The following CLSTN2 variants were observed in gnomAD, a reference collection of about 807,000 sequenced individuals.
CLSTN2 encodes the protein calsyntenin-2.
Under a neutral mutation model 101.2 loss-of-function variants are expected in CLSTN2, and 48 were observed. The ratio of observed to expected loss-of-function variants is 0.47; its 90% CI spans 0.38 to 0.60. The LOEUF (loss-of-function observed/expected upper bound fraction) is 0.60. Ranked by LOEUF, CLSTN2 falls within the 20% of genes least tolerant of loss-of-function variation. CLSTN2 has a pLI of 0.00. For missense variants in CLSTN2, 1,160 were observed against 1,238.2 expected (o/e 0.94, Z 0.95); for synonymous variants, 481 against 463.6 (o/e 1.04, Z -0.48).
In CLSTN2 at chr3:140,566,072, A is replaced by C; in HGVS notation, c.2687A>C (p.His896Pro). Reference protein sequence around the residue: ...NPMEKHEGPGHGEDETEGEEE... With the variant: ...NPMEKHEGPGPGEDETEGEEE... The stretch of plus-strand genomic sequence containing the variant: ...ATCCAGAAACATGAAGGACCAGGGC[A>C]TGGGGAAGATGAGACTGAGGGAGAA... Residue 896 changes from histidine to proline, a missense_variant, in exon 17 of 17, where the codon CAT (histidine) becomes CCT (proline). Coordinates refer to ENST00000458420, the MANE Select transcript of CLSTN2 (RefSeq NM_022131.3). 1 of 1,613,912 alleles carries C rather than the reference A, an allele frequency of 6.2e-7. No individual in the cohort carries two copies. Among genetic ancestry groups the C allele is most frequent in the Non-Finnish European group, 8.5e-7 (1 of 1,179,816 alleles).
chr3:140,397,795 A>C (rs2088199535), intron 2 of CLSTN2, among the ~76,000 whole-genome samples: 2 of 152,234 alleles, frequency 1.3e-5, no homozygotes, highest in Non-Finnish European at 2.9e-5. Flanking sequence ...TGTTACATTA[A>C]AATCCATAAA....
intron 2 of CLSTN2, among the ~76,000 whole-genome samples, chr3:140,259,316 A>C (rs1396944642): frequency 2.0e-5 from 3 of 152,044 alleles, no homozygotes; most frequent in African/African-American, 7.2e-5. Flanking sequence ...TCTACTAAAA[A>C]TACAAAAATT....
At chr3:139,970,119 A>G (rs1935669493) in intron 1 of CLSTN2, among the ~76,000 whole-genome samples, 1 of 152,112 alleles carries the variant, frequency 6.6e-6, no homozygotes, top group African/African-American at 2.4e-5. Flanking sequence ...CCACTCCAAG[A>G]GATTTGGATG....
intron 2 of CLSTN2, among the ~76,000 whole-genome samples, chr3:140,188,871 A>G (rs1479992119): frequency 3.9e-5 from 6 of 152,312 alleles, no homozygotes; most frequent in African/African-American, 1.4e-4. Flanking sequence ...CAGACAAGAT[A>G]CAGAGCATTT....
At chr3:140,435,380 G>A (rs868610765) in intron 5 of CLSTN2, among the ~76,000 whole-genome samples, 17 of 152,282 alleles carry the variant, frequency 1.1e-4, no homozygotes, top group South Asian at 2.1e-4. Flanking sequence ...CATCCATGCT[G>A]TTGCAAATAA....
At chr3:140,225,010 G>A (rs1376170802) in intron 2 of CLSTN2, among the ~76,000 whole-genome samples, 1 of 152,236 alleles carries the variant, frequency 6.6e-6, no homozygotes, top group Non-Finnish European at 1.5e-5. Flanking sequence ...GCGCCAGCCA[G>A]CCCTCCAACA....
At chr3:140,497,142 T>C (rs1400438876) in intron 8 of CLSTN2, among the ~76,000 whole-genome samples, 1 of 148,806 alleles carries the variant, frequency 6.7e-6, no homozygotes, top group African/African-American at 2.5e-5. Context: ...TGCTTTTTGG[T>C]AGAGCAGGTG....
intron 2 of CLSTN2, among the ~76,000 whole-genome samples, chr3:140,271,069 G>T (rs766226809): frequency 6.6e-6 from 1 of 152,024 alleles, no homozygotes; most frequent in Non-Finnish European, 1.5e-5. Context: ...TTTCCTTCCC[G>T]GGGAGCCACA....
chr3:140,152,324 G>A (rs895224050), intron 1 of CLSTN2, among the ~76,000 whole-genome samples: 1 of 151,434 alleles, frequency 6.6e-6, no homozygotes, highest in African/African-American at 2.4e-5. Context: ...CGTTTCCCAT[G>A]CTGTTCTCTC....
rs549472869 is a variant in CLSTN2 at position 140,574,376 on chromosome 3, C to G, written c.*8123C>G. The G allele has an allele frequency of 5.3e-5, 8 of 152,330 alleles. No individual in the cohort carries two copies. The highest frequency in any genetic ancestry group is 3.4e-3 in the Middle Eastern group (1 of 294). The allele number at this position is 152,330 out of a possible 1,614,324, so 9.4% of individuals were successfully genotyped here. A position where few individuals can be genotyped will look rare whatever the true frequency, so the allele number is the denominator to read the frequency against. On this transcript the variant is annotated 3_prime_UTR_variant, in exon 17 of 17. Transcript: ENST00000458420. ...GTAAATGGAGCCCCTAAGCAAGGAG[C>G]AGGGGTAGATGTGCCTGGGTGAGGC... is the stretch of plus-strand genomic sequence containing the variant.
At chr3:140,551,361 A>G (rs1307999562) in intron 10 of CLSTN2, among the ~76,000 whole-genome samples, 3 of 152,074 alleles carry the variant, frequency 2.0e-5, no homozygotes, top group Non-Finnish European at 4.4e-5. Context: ...CATATTTATG[A>G]ATATTTCTCC....
At chr3:140,222,287 A>G (rs1425456883) in intron 2 of CLSTN2, among the ~76,000 whole-genome samples, 1 of 152,130 alleles carries the variant, frequency 6.6e-6, no homozygotes, top group Non-Finnish European at 1.5e-5. Flanking sequence ...ATGGACATAG[A>G]GAGTAGAAGA....
intron 1 of CLSTN2, among the ~76,000 whole-genome samples, chr3:139,939,634 G>A (rs926076915): frequency 1.3e-4 from 20 of 152,194 alleles, no homozygotes; most frequent in African/African-American, 2.4e-5. Flanking sequence ...CAATGTTCTC[G>A]CTTAGAGCAG....
intron 2 of CLSTN2, among the ~76,000 whole-genome samples, chr3:140,401,269 A>T (rs1332560464): frequency 6.6e-6 from 1 of 152,258 alleles, no homozygotes; most frequent in African/African-American, 2.4e-5. Flanking sequence ...ATGAAAACAA[A>T]GTGGGTCTTG....
chr3:140,455,520 C>T (rs1189331752), intron 6 of CLSTN2, among the ~76,000 whole-genome samples: 1 of 152,180 alleles, frequency 6.6e-6, no homozygotes, highest in Non-Finnish European at 1.5e-5. Flanking sequence ...CCCCACCCTG[C>T]TAGGGCCCAG....
chr3:140,269,288 C>T (rs1310081785), intron 2 of CLSTN2, among the ~76,000 whole-genome samples: 2 of 152,198 alleles, frequency 1.3e-5, no homozygotes, highest in Non-Finnish European at 2.9e-5. Context: ...AAGTGTTTGT[C>T]CCCAATAGCT....
intron 2 of CLSTN2, among the ~76,000 whole-genome samples, chr3:140,218,186 C>A (rs2010942873): frequency 2.6e-5 from 4 of 152,134 alleles, no homozygotes; most frequent in Admixed American, 2.6e-4. Flanking sequence ...TTTCCCAATT[C>A]TTGTAAGAAA....
chr3:140,020,127 C>T (rs1470434676), intron 1 of CLSTN2, among the ~76,000 whole-genome samples: 5 of 152,130 alleles, frequency 3.3e-5, no homozygotes, highest in East Asian at 3.9e-4. Context: ...AGATAGCCAT[C>T]GGGAGTGCCT....
At chr3:140,168,539 TG>T (rs1260477646) in intron 1 of CLSTN2, among the ~76,000 whole-genome samples, 1 of 152,130 alleles carries the variant, frequency 6.6e-6, no homozygotes, top group African/African-American at 2.4e-5. Context: ...TTATCTTTTA[TG>T]GGGCATGCTT....
Sources: allele counts gnomAD v4.1 joint callset (sites outside exome capture counted in the v4.1 genomes callset), GRCh38; gene constraint gnomAD v4.1.1; transcripts MANE v1.5; gene names NCBI Gene and HGNC (gene_info 2026-07-23, HGNC 2026-07-21).